Variants in KDM5A observed in about 807,000 individuals in gnomAD.
KDM5A encodes lysine demethylase 5A, also known as lysine-specific demethylase 5A.
Under a neutral mutation model 193.5 loss-of-function variants are expected in KDM5A, and 42 were observed. The observed-to-expected ratio is 0.22, with a 90% CI of 0.17 to 0.28. The LOEUF (loss-of-function observed/expected upper bound fraction) is 0.28. Ranked by LOEUF, KDM5A falls within the 10% of genes least tolerant of loss-of-function variation. The probability of loss-of-function intolerance (pLI) is 1.00; values close to 1 mark genes in which losing one functional copy is unlikely to be tolerated. For missense variants in KDM5A, 1,692 were observed against 2,055.1 expected (o/e 0.82, Z 3.42); for synonymous variants, 796 against 718.1 (o/e 1.11, Z -1.73).
chr12:306,790 T>C, intron 24 of KDM5A, 156 bp downstream of exon 24: 1 of 840,472 alleles, frequency 1.2e-6, no homozygotes, highest in Non-Finnish European at 1.9e-6. Context: ...TGTTTTGAGT[T>C]TTGAAAAAAT....
At chr12:322,332 C>T (rs1943727690) in intron 17 of KDM5A, 85 bp downstream of exon 17, 6 of 1,260,754 alleles carry the variant, frequency 4.8e-6, no homozygotes, top group East Asian at 4.8e-5. Context: ...AGATAATGTA[C>T]GGCTTCACAG....
At chr12:381,832 G>C (rs1179375265) in intron 3 of KDM5A, among the ~76,000 whole-genome samples, 2 of 151,994 alleles carry the variant, frequency 1.3e-5, no homozygotes, top group African/African-American at 4.8e-5. Flanking sequence ...TTGGAAACAG[G>C]GTCTTGCTCT....
At chr12:346,757 A>G (rs1294243309) in intron 10 of KDM5A, among the ~76,000 whole-genome samples, 2 of 152,192 alleles carry the variant, frequency 1.3e-5, no homozygotes, top group Non-Finnish European at 2.9e-5. Context: ...GTATTGATGG[A>G]ATGTATCTCA....
chr12:371,544 C>A (rs958327739), intron 3 of KDM5A, among the ~76,000 whole-genome samples: 1 of 152,184 alleles, frequency 6.6e-6, no homozygotes. Context: ...ATTTTCTCCC[C>A]TTCTGTAGGT....
At chr12:335,319 T>C (rs1461234049) in intron 10 of KDM5A, among the ~76,000 whole-genome samples, 2 of 152,222 alleles carry the variant, frequency 1.3e-5, no homozygotes, top group African/African-American at 2.4e-5. Context: ...TTATCATCCT[T>C]ATGGAGAACA....
At chr12:299,529 C>T (rs1041832868) in intron 24 of KDM5A, among the ~76,000 whole-genome samples, 17 of 152,124 alleles carry the variant, frequency 1.1e-4, no homozygotes, top group Non-Finnish European at 2.2e-4. Flanking sequence ...ACCTGCCTTA[C>T]AAGAGCTCCT....
At chr12:352,848 T>C (rs192258211) in intron 8 of KDM5A, among the ~76,000 whole-genome samples, 1 of 152,188 alleles carries the variant, frequency 6.6e-6, no homozygotes, top group Non-Finnish European at 1.5e-5. Flanking sequence ...ACCTGGAGAA[T>C]AGTAAATAAG....
At chr12:375,616 G>A (rs150303882) in intron 3 of KDM5A, among the ~76,000 whole-genome samples, 1,589 of 152,334 alleles carry the variant, frequency 0.01, 17 homozygotes, top group African/African-American at 0.034. Context: ...CGTTGCTGGC[G>A]AGAAGCTGTG....
intron 3 of KDM5A, among the ~76,000 whole-genome samples, chr12:368,441 T>C (rs767357135): frequency 6.6e-6 from 1 of 152,162 alleles, no homozygotes; most frequent in Admixed American, 6.6e-5. Flanking sequence ...TTACTAGTTA[T>C]ATGACCTTGG....
chr12:377,932 T>C (rs1010519054), intron 3 of KDM5A, among the ~76,000 whole-genome samples: 2 of 152,190 alleles, frequency 1.3e-5, no homozygotes, highest in African/African-American at 4.8e-5. Context: ...GGTAGAAGCA[T>C]ACTGAGAGAT....
rs761979820 is a variant in KDM5A at position 366,000 on chromosome 12, A to G, written c.471T>C (p.Leu157=). Reference sequence around the variant, plus strand: ...GAATTCTTTCATAATGTGACTTCAAAAGAGACCCAGTTCCTTTTCCTGGCA... The same window carrying G: ...GAATTCTTTCATAATGTGACTTCAAGAGAGACCCAGTTCCTTTTCCTGGCA... ...GYLPGKGTGS[L]LKSHYERILY... Residue 157 remains leucine (L), a synonymous_variant, in exon 4 of 28, where the codon CTT becomes CTC. Transcript: ENST00000399788. 2.3e-5 allele frequency: 37 copies of G among 1,613,948 alleles called. No individual in the cohort carries two copies. The highest frequency in any genetic ancestry group is 3.1e-5 in the Non-Finnish European group (36 of 1,179,924).
At chr12:362,650 T>A (rs1944306531) in intron 5 of KDM5A, among the ~76,000 whole-genome samples, 1 of 152,204 alleles carries the variant, frequency 6.6e-6, no homozygotes, top group African/African-American at 2.4e-5. Context: ...ACTTTCTAAA[T>A]CAAATTACGC....
rs1243199440 is a variant in KDM5A at position 282,550 on chromosome 12, T to C, written c.*2906A>G. ...AAAATCTCCTGTCTTCTCCCCCAGC[T>C]AGAAAGCTAACTACTGGTGCTGTAT... On this transcript the variant is annotated 3_prime_UTR_variant, in exon 28 of 28. Coordinates refer to ENST00000399788, the MANE Select transcript of KDM5A (RefSeq NM_001042603.3). 4 of 233,098 alleles carry C rather than the reference T, an allele frequency of 1.7e-5. No individual in the cohort carries two copies. Among genetic ancestry groups the C allele is most frequent in the Non-Finnish European group, 3.4e-5 (4 of 118,006 alleles). The allele number at this position is 233,098 out of a possible 1,614,324, so 14.4% of individuals were successfully genotyped here. A position where few individuals can be genotyped will look rare whatever the true frequency, so the allele number is the denominator to read the frequency against.
Position 280,477 on chromosome 12 carries a change from C to T in KDM5A, c.*4979G>A, listed in dbSNP as rs1034606798. ...TCCCTGCCCCCGCTCTTTCAACCAA[C>T]CCTCCTCCTAACATACACATACAGA... On this transcript the variant is annotated 3_prime_UTR_variant, in exon 28 of 28. Coordinates refer to ENST00000399788, the MANE Select transcript of KDM5A (RefSeq NM_001042603.3). The T allele has an allele frequency of 8.6e-6, 2 of 232,976 alleles. No homozygotes were observed. The highest frequency in any genetic ancestry group is 4.4e-5 in the African/African-American group (2 of 45,296). 14.4% of individuals were successfully genotyped at this position (232,976 alleles called of 1,614,324 possible).
intron 10 of KDM5A, among the ~76,000 whole-genome samples, chr12:345,989 G>C (rs891543368): frequency 1.3e-5 from 2 of 151,986 alleles, no homozygotes; most frequent in Non-Finnish European, 2.9e-5. Flanking sequence ...CTGGTTTTTT[G>C]AAAAGATCAA....
intron 3 of KDM5A, among the ~76,000 whole-genome samples, chr12:379,915 T>A (rs1002428180): frequency 1.5e-4 from 23 of 152,228 alleles, no homozygotes; most frequent in African/African-American, 5.3e-4. Flanking sequence ...AACTAAGTAT[T>A]CAGACTAGGT....
intron 3 of KDM5A, among the ~76,000 whole-genome samples, chr12:366,873 A>G (rs558594488): frequency 2.0e-5 from 3 of 152,362 alleles, no homozygotes; most frequent in Admixed American, 2.0e-4. Context: ...GACCGCATAT[A>G]TGACAGTGCT....
intron 24 of KDM5A, among the ~76,000 whole-genome samples, chr12:304,071 G>A (rs1298164739): frequency 6.6e-6 from 1 of 152,162 alleles, no homozygotes; most frequent in Non-Finnish European, 1.5e-5. Context: ...AGTGAGCTCT[G>A]ATTAGGTCTA....
Position 322,532 on chromosome 12 carries a change from C to T in KDM5A, c.2311G>A (p.Glu771Lys), listed in dbSNP as rs961046952. Residue 771 changes from glutamate to lysine, a missense_variant, in exon 17 of 28, where the codon GAG (glutamate) becomes AAG (lysine). Transcript: ENST00000399788. ...TCATTCTCTGGGTATTTCCTATCCT[C>T]AGCATCTTCCAGCATTACTCGCAAT... ...IELRVMLEDA[E>K]DRKYPENDLF... 1.2e-6 allele frequency: 2 copies of T among 1,612,666 alleles called. No individual in the cohort carries two copies. Among genetic ancestry groups the T allele is most frequent in the Non-Finnish European group, 1.7e-6 (2 of 1,179,200 alleles).
Sources: allele counts gnomAD v4.1 joint callset (sites outside exome capture counted in the v4.1 genomes callset), GRCh38; gene constraint gnomAD v4.1.1; transcripts MANE v1.5; gene names NCBI Gene and HGNC (gene_info 2026-07-23, HGNC 2026-07-21).